DSCAM: variants seen among roughly 807,000 people sequenced by gnomAD.
DSCAM encodes the protein cell adhesion molecule DSCAM.
A neutral mutation model predicts 217.7 loss-of-function variants in DSCAM; 47 were observed. The ratio of observed to expected loss-of-function variants is 0.22; its 90% CI spans 0.17 to 0.28. The LOEUF (loss-of-function observed/expected upper bound fraction) is 0.28. Ranked by LOEUF, DSCAM falls within the 10% of genes least tolerant of loss-of-function variation. The pLI is 1.00. For missense variants in DSCAM, 2,080 were observed against 2,618.3 expected (o/e 0.79, Z 4.49); for synonymous variants, 1,056 against 1,015.3 (o/e 1.04, Z -0.76).
At chr21:40,332,595 C>T (rs1422068931) in intron 8 of DSCAM, among the ~76,000 whole-genome samples, 1 of 152,132 alleles carries the variant, frequency 6.6e-6, no homozygotes, top group Non-Finnish European at 1.5e-5. Flanking sequence ...TTCAATGTGG[C>T]ACCTAAAATG....
At position 40,525,009 on chromosome 21, in the gene DSCAM, C is replaced by CAAAA. The variant is rs58427418; in HGVS notation, c.509-155768_509-155765dup. Among the ~76,000 whole-genome samples, 103 of 56,090 alleles carry CAAAA rather than the reference C, an allele frequency of 1.8e-3. 4 individuals carry two copies. The highest frequency in any genetic ancestry group is 5.8e-3 in the African/African-American group (99 of 17,112). 36.8% of individuals were successfully genotyped at this position (56,090 alleles called of 152,430 possible). A position where few individuals can be genotyped will look rare whatever the true frequency, so the allele number is the denominator to read the frequency against. ...TGGGCAACAGAGTGAGACTCAGTCT[C>CAAAA]AAAAAAAAAAAAAAAAAAAAAATCC... On this transcript the variant is annotated intron_variant, in intron 3 of 32. Transcript: ENST00000400454.
At chr21:40,140,738 T>A (rs1568962902) in intron 18 of DSCAM, among the ~76,000 whole-genome samples, 1 of 152,202 alleles carries the variant, frequency 6.6e-6, no homozygotes, top group East Asian at 1.9e-4. Flanking sequence ...GTGAAGGTGT[T>A]ACAGAATCAT....
intron 3 of DSCAM, among the ~76,000 whole-genome samples, chr21:40,665,210 G>A (rs1255650917): frequency 6.6e-6 from 1 of 152,186 alleles, no homozygotes; most frequent in African/African-American, 2.4e-5. Flanking sequence ...CTGGGCATGG[G>A]GAGGTGGCAA....
At chr21:40,739,701 T>A (rs1369624997) in intron 1 of DSCAM, among the ~76,000 whole-genome samples, 1 of 152,204 alleles carries the variant, frequency 6.6e-6, no homozygotes, top group African/African-American at 2.4e-5. Flanking sequence ...ATAATTTTTT[T>A]AAAAGTACAG....
chr21:40,393,171 T>C (rs1281767862), intron 3 of DSCAM, among the ~76,000 whole-genome samples: 1 of 152,188 alleles, frequency 6.6e-6, no homozygotes, highest in Non-Finnish European at 1.5e-5. Flanking sequence ...CTTAAAGGTA[T>C]ACTGCCAAAG....
At chr21:40,657,680 G>T (rs532876017) in intron 3 of DSCAM, among the ~76,000 whole-genome samples, 1 of 152,124 alleles carries the variant, frequency 6.6e-6, no homozygotes, top group Admixed American at 6.5e-5. Flanking sequence ...TCTGATCAGG[G>T]AGTACCCCGC....
rs1352775496 is a variant in DSCAM at position 40,037,496 on chromosome 21, A to G, written c.5686+4875T>C. On this transcript the variant is annotated intron_variant, in intron 32 of 32. Transcript: ENST00000400454. ...ACCTCTTCAAGGAGAACTACAAACC[A>G]CTGCTCAACGAAATAAAAGAGGATA... 6.3e-5 allele frequency among the ~76,000 whole-genome samples: 9 copies of G among 143,512 alleles called. 1 individual carries two copies. The highest frequency in any genetic ancestry group is 1.4e-4 in the Admixed American group (2 of 14,440). 94.1% of individuals were successfully genotyped at this position (143,512 alleles called of 152,430 possible). A position where few individuals can be genotyped will look rare whatever the true frequency, so the allele number is the denominator to read the frequency against.
In DSCAM at chr21:40,025,299, C is replaced by G. The variant is rs1255739543; in HGVS notation, c.5687-11913G>C. On this transcript the variant is annotated intron_variant, in intron 32 of 32. Coordinates refer to ENST00000400454, the MANE Select transcript of DSCAM (RefSeq NM_001389.5). ...AGTATTTTATTGAGGATTTTTGCAT[C>G]AATGTTCATCAAGGATATTGGTCTA... Among the ~76,000 whole-genome samples, 398 of 137,380 alleles carry G rather than the reference C, an allele frequency of 2.9e-3. 5 individuals are homozygous for G. Among genetic ancestry groups the G allele is most frequent in the Admixed American group, 3.9e-3 (53 of 13,448 alleles). The allele number at this position is 137,380 out of a possible 152,430, so 90.1% of individuals were successfully genotyped here. A position where few individuals can be genotyped will look rare whatever the true frequency, so the allele number is the denominator to read the frequency against.
intron 3 of DSCAM, among the ~76,000 whole-genome samples, chr21:40,442,845 T>A (rs1159164988): frequency 1.3e-5 from 2 of 152,152 alleles, no homozygotes; most frequent in African/African-American, 4.8e-5. Flanking sequence ...ACTCTCCAAC[T>A]GGAACATGCC....
At chr21:40,681,190 G>T (rs1330682474) in intron 3 of DSCAM, among the ~76,000 whole-genome samples, 1 of 152,236 alleles carries the variant, frequency 6.6e-6, no homozygotes, top group African/African-American at 2.4e-5. Flanking sequence ...AGGACTTGAA[G>T]ATGCCCAATA....
chr21:40,391,533 T>G (rs904284439), intron 3 of DSCAM, among the ~76,000 whole-genome samples: 3 of 152,214 alleles, frequency 2.0e-5, no homozygotes, highest in Non-Finnish European at 4.4e-5. Flanking sequence ...GAAGGGGACT[T>G]TTTAAAATTT....
chr21:40,618,243 AAAC>A (rs1414997492), intron 3 of DSCAM, among the ~76,000 whole-genome samples: 1 of 152,252 alleles, frequency 6.6e-6, no homozygotes, highest in East Asian at 1.9e-4. Context: ...CAGAAAATCC[AAAC>A]GAAGAAGGAA....
chr21:40,303,495 C>T (rs911479840), intron 9 of DSCAM, among the ~76,000 whole-genome samples: 8 of 152,118 alleles, frequency 5.3e-5, no homozygotes, highest in Non-Finnish European at 8.8e-5. Flanking sequence ...TCTCAATCCA[C>T]GTACAACATG....
intron 3 of DSCAM, among the ~76,000 whole-genome samples, chr21:40,389,575 C>T (rs74519274): frequency 0.046 from 6,936 of 152,102 alleles, 234 homozygotes; most frequent in Non-Finnish European, 0.069. Context: ...CCATATGAAC[C>T]AAGTTGACAA....
rs1392443303 is a variant in DSCAM at position 40,752,754 on chromosome 21, T to A, written c.44-43983A>T. On this transcript the variant is annotated intron_variant, in intron 1 of 32. Transcript: ENST00000400454. ...GAATGCAGATGTTCAAAGGAAGCCC[T>A]GAAAATAAGCTCAATTTTAAAAAGC... is the stretch of plus-strand genomic sequence containing the variant. Among the ~76,000 whole-genome samples, 5 of 151,934 alleles carry A rather than the reference T, an allele frequency of 3.3e-5. No homozygotes were observed. The East Asian group carries it at 9.7e-4, about 29-fold the overall frequency.
intron 15 of DSCAM, among the ~76,000 whole-genome samples, chr21:40,175,367 G>A (rs999574486): frequency 1.3e-4 from 20 of 152,142 alleles, no homozygotes; most frequent in Non-Finnish European, 1.0e-4. Context: ...CCCTGCCTCA[G>A]CCTCCCAAAG....
At position 40,800,279 on chromosome 21, in the gene DSCAM, G is replaced by A. The variant is rs113254059; in HGVS notation, c.43+46340C>T. Among the ~76,000 whole-genome samples the A allele has an allele frequency of 8.9e-4, 135 of 152,126 alleles. 1 individual carries two copies. In the East Asian group the frequency reaches 0.02, roughly 23 times the overall value. On this transcript the variant is annotated intron_variant, in intron 1 of 32. Coordinates refer to ENST00000400454, the MANE Select transcript of DSCAM (RefSeq NM_001389.5). ...TCAGGCATTCTGTTATAAGCAATAC[G>A]AACTAAGACAGAAAATTGGTACCAG...
chr21:40,311,960 T>TTTTTTTTTAAAAA, intron 9 of DSCAM, 121 bp downstream of exon 9: 2 of 321,030 alleles, frequency 6.2e-6, no homozygotes, highest in Non-Finnish European at 9.5e-6. Flanking sequence ...TTTTTTTTTT[T>TTTTTTTTTAAAAA]AGTGAGATAA....
intron 4 of DSCAM, among the ~76,000 whole-genome samples, chr21:40,356,684 C>T (rs2074696933): frequency 6.6e-6 from 1 of 152,118 alleles, no homozygotes; most frequent in Admixed American, 6.5e-5. Context: ...TGGAACTGCA[C>T]GTGAGGATAA....
Sources: allele counts gnomAD v4.1 joint callset (sites outside exome capture counted in the v4.1 genomes callset), GRCh38; gene constraint gnomAD v4.1.1; transcripts MANE v1.5; gene names NCBI Gene and HGNC (gene_info 2026-07-23, HGNC 2026-07-21).